The following WWOX variants were observed in gnomAD, a reference collection of about 807,000 sequenced individuals.
WWOX encodes the protein WW domain-containing oxidoreductase.
A neutral mutation model predicts 46.2 loss-of-function variants in WWOX; 69 were observed. That is an observed-to-expected ratio of 1.49 (90% CI 1.23 to 1.82). The LOEUF (loss-of-function observed/expected upper bound fraction) is 1.82, where lower values mean the gene tolerates loss of function less well. Ranked by LOEUF, WWOX falls within the 40% of genes most tolerant of loss-of-function variation. The pLI is 0.00. For missense variants in WWOX, 919 were observed against 542.6 expected (o/e 1.69, Z -6.89); for synonymous variants, 359 against 202.6 (o/e 1.77, Z -6.56).
chr16:78,693,175 C>G (rs772082284), intron 8 of WWOX, among the ~76,000 whole-genome samples: 3 of 152,190 alleles, frequency 2.0e-5, no homozygotes, highest in Non-Finnish European at 4.4e-5. Flanking sequence ...ATTTGCCCAT[C>G]TCTTGTTCAA....
rs368417970 is a variant in WWOX, at chr16:78,217,916, C to A, written c.516+53627C>A. ...TCCAGACTTCATGCCCTTGGCAACT[C>A]AGTTTGGACACTCATATGCTGGTTT... On this transcript the variant is annotated intron_variant, in intron 5 of 8. Transcript: ENST00000566780. Among the ~76,000 whole-genome samples, 23 of 152,328 alleles carry A rather than the reference C, an allele frequency of 1.5e-4. 1 individual carries two copies. Among genetic ancestry groups the A allele is most frequent in the African/African-American group, 5.5e-4 (23 of 41,574 alleles).
At chr16:78,363,482 T>C (rs4075559) in intron 5 of WWOX, among the ~76,000 whole-genome samples, 11,745 of 152,066 alleles carry the variant, frequency 0.077, 836 homozygotes, top group Admixed American at 0.2. Context: ...TCTTGCTGTG[T>C]TTCCCAGGCT....
At chr16:79,109,804 C>G (rs2049382008) in intron 8 of WWOX, among the ~76,000 whole-genome samples, 1 of 152,184 alleles carries the variant, frequency 6.6e-6, no homozygotes, top group African/African-American at 2.4e-5. Context: ...CATTTTCTCT[C>G]TAAGGCAGGC....
intron 5 of WWOX, among the ~76,000 whole-genome samples, chr16:78,241,784 T>C (rs188951098): frequency 1.1e-4 from 16 of 152,274 alleles, no homozygotes; most frequent in Non-Finnish European, 1.9e-4. Context: ...ACATCATTGC[T>C]CAGATTCACT....
At position 79,052,189 on chromosome 16, in the gene WWOX, T is replaced by G. The variant is rs541649578; in HGVS notation, c.1057-159419T>G. Among the ~76,000 whole-genome samples the G allele has an allele frequency of 5.3e-5, 5 of 94,450 alleles. No homozygotes were observed. The South Asian group carries it at 1.1e-3, about 21-fold the overall frequency. The allele number at this position is 94,450 out of a possible 152,430, so 62.0% of individuals were successfully genotyped here. The stretch of plus-strand genomic sequence containing the variant: ...TATCTCCCAATGCTATCCCTCCCCC[T>G]TCCCCCCACCCCACCACAGTCCCCA... On this transcript the variant is annotated intron_variant, in intron 8 of 8. Coordinates refer to ENST00000566780, the MANE Select transcript of WWOX (RefSeq NM_016373.4).
At chr16:78,210,791 C>T (rs553024126) in intron 5 of WWOX, among the ~76,000 whole-genome samples, 1 of 152,186 alleles carries the variant, frequency 6.6e-6, no homozygotes, top group Non-Finnish European at 1.5e-5. Flanking sequence ...TTAGGTCTAC[C>T]CAGTTATAAT....
intron 8 of WWOX, among the ~76,000 whole-genome samples, chr16:78,768,929 A>G (rs529183735): frequency 3.6e-4 from 54 of 152,098 alleles, no homozygotes; most frequent in Middle Eastern, 3.4e-3. Flanking sequence ...GTAGGGGAGG[A>G]GGACGGTTTC....
chr16:78,577,047 C>T (rs1008066197), intron 8 of WWOX, among the ~76,000 whole-genome samples: 1 of 152,170 alleles, frequency 6.6e-6, no homozygotes, highest in African/African-American at 2.4e-5. Context: ...CCCCATTTCA[C>T]CCATCTCATT....
At chr16:79,167,907 C>T (rs776940771) in intron 8 of WWOX, among the ~76,000 whole-genome samples, 1 of 152,188 alleles carries the variant, frequency 6.6e-6, no homozygotes, top group East Asian at 1.9e-4. Context: ...CCATTCCCTT[C>T]TTCCAACTTC....
chr16:78,842,848 A>G (rs898975938), intron 8 of WWOX, among the ~76,000 whole-genome samples: 9 of 138,022 alleles, frequency 6.5e-5, no homozygotes, highest in African/African-American at 2.2e-4. Flanking sequence ...GTGAGACCCT[A>G]TCTCAAATAA....
intron 8 of WWOX, among the ~76,000 whole-genome samples, chr16:78,875,831 C>CA (rs1412435393): frequency 6.6e-6 from 1 of 152,202 alleles, no homozygotes; most frequent in African/African-American, 2.4e-5. Context: ...GTTTCTAGGG[C>CA]ATCTCATTCG....
intron 8 of WWOX, among the ~76,000 whole-genome samples, chr16:79,125,260 C>T (rs537731074): frequency 5.5e-4 from 83 of 152,244 alleles, no homozygotes; most frequent in Non-Finnish European, 9.4e-4. Context: ...TTCCAGAGTA[C>T]TGTTGATTGT....
chr16:78,198,909 C>G (rs2050124856), intron 5 of WWOX, among the ~76,000 whole-genome samples: 1 of 152,102 alleles, frequency 6.6e-6, no homozygotes, highest in Non-Finnish European at 1.5e-5. Flanking sequence ...TCTTTACTCC[C>G]TTTCTCATAA....
chr16:78,109,147 A>G (rs1309558936), intron 2 of WWOX, among the ~76,000 whole-genome samples: 2 of 152,190 alleles, frequency 1.3e-5, no homozygotes, highest in Non-Finnish European at 2.9e-5. Flanking sequence ...AAAGATTACC[A>G]TGACTTCTAG....
chr16:78,617,136 T>C (rs1325774609), intron 8 of WWOX, among the ~76,000 whole-genome samples: 7 of 152,044 alleles, frequency 4.6e-5, no homozygotes, highest in Admixed American at 2.0e-4. Flanking sequence ...GATAGGCCTG[T>C]TGTGGTGGCT....
chr16:78,489,805 C>A (rs532076534), intron 8 of WWOX, among the ~76,000 whole-genome samples: 1 of 152,064 alleles, frequency 6.6e-6, no homozygotes, highest in African/African-American at 2.4e-5. Context: ...ACCACAGTTC[C>A]GGCTGGAACA....
chr16:78,946,813 A>C (rs926203431), intron 8 of WWOX, among the ~76,000 whole-genome samples: 1 of 152,130 alleles, frequency 6.6e-6, no homozygotes. Context: ...TTCTGGCGTA[A>C]GAACTGCGGT....
chr16:78,742,892 G>A lies in WWOX; in HGVS notation c.1056+310140G>A, dbSNP rs1597530366. Among the ~76,000 whole-genome samples, 4 of 152,106 alleles carry A rather than the reference G, an allele frequency of 2.6e-5. No homozygotes were observed. In the South Asian group the frequency reaches 8.3e-4, roughly 32 times the overall value. ...GCTTCCCAGTGTAGGGTCTGGTCAA[G>A]GAAAGGGCCACTTCCTGGGCCTCCC... is the stretch of plus-strand genomic sequence containing the variant. On this transcript the variant is annotated intron_variant, in intron 8 of 8. Transcript: ENST00000566780.
intron 8 of WWOX, among the ~76,000 whole-genome samples, chr16:79,005,528 G>T (rs547573818): frequency 3.3e-5 from 5 of 152,264 alleles, no homozygotes; most frequent in African/African-American, 1.2e-4. Context: ...CTATGGGGGC[G>T]TCCTCTTTGC....
Sources: gnomAD v4.1 joint callset for allele counts (sites outside exome capture counted in the v4.1 genomes callset) on GRCh38, gnomAD v4.1.1 for gene constraint, MANE v1.5 for transcripts, NCBI Gene and HGNC (gene_info 2026-07-23, HGNC 2026-07-21) for gene names.